Variants in PPP1R9A observed in about 807,000 individuals in gnomAD.
The protein encoded by PPP1R9A is protein phosphatase 1 regulatory subunit 9A, also known as neurabin-1.
Under a neutral mutation model 141.9 loss-of-function variants are expected in PPP1R9A, and 59 were observed. The observed-to-expected ratio is 0.42, with a 90% CI of 0.34 to 0.52. PPP1R9A has a LOEUF of 0.52. PPP1R9A is among the 20% of genes least tolerant of loss of function. PPP1R9A has a pLI of 0.10. For synonymous variants in PPP1R9A, 500 were observed against 569.7 expected, an observed-to-expected ratio of 0.88 and a Z score of 1.74; for missense variants, 1,444 against 1,611.9, an observed-to-expected ratio of 0.90 and a Z score of 1.78.
chr7:95,107,969 T>C (rs1056890202), intron 2 of PPP1R9A, among the ~76,000 whole-genome samples: 4 of 152,130 alleles, frequency 2.6e-5, no homozygotes, highest in Non-Finnish European at 5.9e-5. Flanking sequence ...GAGAGAAAAA[T>C]GCTTGTACAT....
At chr7:95,157,226 C>A (rs1033817587) in intron 4 of PPP1R9A, among the ~76,000 whole-genome samples, 1 of 151,432 alleles carries the variant, frequency 6.6e-6, no homozygotes, top group African/African-American at 2.5e-5. Flanking sequence ...TCTGAGCCTG[C>A]AGGGGCAGGG....
At chr7:94,934,808 GTA>G (rs1438261970) in intron 2 of PPP1R9A, among the ~76,000 whole-genome samples, 3 of 151,076 alleles carry the variant, frequency 2.0e-5, no homozygotes, top group African/African-American at 4.9e-5. Context: ...GTGTGTGTGT[GTA>G]TGTATATACA....
intron 5 of PPP1R9A, among the ~76,000 whole-genome samples, chr7:95,162,722 C>T (rs1830627617): frequency 1.3e-5 from 2 of 152,106 alleles, no homozygotes; most frequent in Non-Finnish European, 2.9e-5. Context: ...TTCTCATTAT[C>T]AAAATGAAAC....
chr7:94,949,133 A>G (rs1796192210), intron 2 of PPP1R9A, among the ~76,000 whole-genome samples: 1 of 152,136 alleles, frequency 6.6e-6, no homozygotes, highest in Non-Finnish European at 1.5e-5. Context: ...GCCCATTTCT[A>G]TCCAGTTTTG....
intron 2 of PPP1R9A, among the ~76,000 whole-genome samples, chr7:95,039,053 A>C (rs903690183): frequency 3.9e-5 from 6 of 152,172 alleles, no homozygotes; most frequent in African/African-American, 1.4e-4. Context: ...TAACATGTCC[A>C]CTTTCAACAA....
intron 5 of PPP1R9A, among the ~76,000 whole-genome samples, chr7:95,171,191 A>G (rs1563351677): frequency 6.6e-6 from 1 of 151,716 alleles, no homozygotes; most frequent in East Asian, 1.9e-4. Flanking sequence ...GAAGAGATGT[A>G]TAGAAAACTA....
At chr7:95,182,836 CA>C (rs952316933) in intron 5 of PPP1R9A, among the ~76,000 whole-genome samples, 18 of 151,986 alleles carry the variant, frequency 1.2e-4, no homozygotes, top group African/African-American at 4.3e-4. Context: ...GCAAGGATTT[CA>C]AAAAAACTAA....
chr7:95,270,165 A>G (rs1801948552), intron 14 of PPP1R9A, among the ~76,000 whole-genome samples: 1 of 152,114 alleles, frequency 6.6e-6, no homozygotes, highest in Admixed American at 6.6e-5. Flanking sequence ...CACAAACCTA[A>G]AATATTTTAC....
chr7:95,126,328 T>C (rs1823557285), intron 4 of PPP1R9A, among the ~76,000 whole-genome samples: 1 of 152,176 alleles, frequency 6.6e-6, no homozygotes, highest in African/African-American at 2.4e-5. Context: ...AAACAAACCC[T>C]AGAAAAATCC....
At chr7:95,039,585 A>G (rs1005520102) in intron 2 of PPP1R9A, among the ~76,000 whole-genome samples, 5 of 152,098 alleles carry the variant, frequency 3.3e-5, no homozygotes, top group Non-Finnish European at 7.4e-5. Flanking sequence ...TTAAAAGGAA[A>G]TGCTATAAAT....
At chr7:95,228,262 G>A (rs774536077) in intron 8 of PPP1R9A, among the ~76,000 whole-genome samples, 2 of 152,088 alleles carry the variant, frequency 1.3e-5, no homozygotes, top group African/African-American at 2.4e-5. Context: ...TAAACTCAAA[G>A]CTCGCATGTT....
In PPP1R9A at chr7:95,197,904, C is replaced by T. The variant is rs557796251; in HGVS notation, c.1755-445C>T. ...CCTCAGGTGATCCACCCACCTTTGC[C>T]TCCCAAAGTGTTGGGATTATAGGCT... is the stretch of plus-strand genomic sequence containing the variant. On this transcript the variant is annotated intron_variant, in intron 5 of 19. Transcript: ENST00000433360. Among the ~76,000 whole-genome samples, 7 of 152,336 alleles carry T rather than the reference C, an allele frequency of 4.6e-5. No individual in the cohort carries two copies. In the South Asian group the frequency reaches 1.4e-3, roughly 32 times the overall value.
At chr7:94,946,738 G>T (rs983960089) in intron 2 of PPP1R9A, among the ~76,000 whole-genome samples, 3 of 152,144 alleles carry the variant, frequency 2.0e-5, no homozygotes, top group East Asian at 3.9e-4. Context: ...TACTTTCTGC[G>T]TTCTGAAGAT....
intron 2 of PPP1R9A, among the ~76,000 whole-genome samples, chr7:94,913,931 T>G (rs1791754069): frequency 6.6e-6 from 1 of 152,176 alleles, no homozygotes; most frequent in Admixed American, 6.5e-5. Flanking sequence ...TGCCAAAATT[T>G]TTAATGTCCT....
At chr7:94,916,216 GT>G in intron 2 of PPP1R9A, among the ~76,000 whole-genome samples, 1 of 152,194 alleles carries the variant, frequency 6.6e-6, no homozygotes, top group Non-Finnish European at 1.5e-5. Context: ...CTTCTTAAGT[GT>G]TTCATCCATC....
In PPP1R9A at chr7:95,249,699, T is replaced by C. The variant is rs566045989; in HGVS notation, c.2167-327T>C. ...TAAAAACTCTCAAAACATGTTGACA[T>C]TCGTTGGATATATCAAACTCTGAAA... On this transcript the variant is annotated intron_variant, in intron 9 of 19. Transcript: ENST00000433360. 1.6e-4 allele frequency among the ~76,000 whole-genome samples: 24 copies of C among 152,270 alleles called. No homozygotes were observed. In the South Asian group the frequency reaches 4.3e-3, roughly 28 times the overall value.
intron 12 of PPP1R9A, among the ~76,000 whole-genome samples, chr7:95,268,329 A>AGC (rs1801621179): frequency 6.6e-6 from 1 of 152,038 alleles, no homozygotes; most frequent in Non-Finnish European, 1.5e-5. Flanking sequence ...GGATTTTTAT[A>AGC]GCGCCTTCAT....
At chr7:95,127,544 G>A (rs1311463146) in intron 4 of PPP1R9A, among the ~76,000 whole-genome samples, 2 of 150,740 alleles carry the variant, frequency 1.3e-5, no homozygotes, top group East Asian at 1.9e-4. Flanking sequence ...GATTCAGGAG[G>A]TATATGTGCA....
chr7:95,107,644 G>A (rs1255096425), intron 2 of PPP1R9A, among the ~76,000 whole-genome samples: 1 of 152,062 alleles, frequency 6.6e-6, no homozygotes, highest in East Asian at 1.9e-4. Flanking sequence ...GAACAGAATA[G>A]AATATAAAAA....
Sources: allele counts gnomAD v4.1 joint callset (sites outside exome capture counted in the v4.1 genomes callset), GRCh38; gene constraint gnomAD v4.1.1; transcripts MANE v1.5; gene names NCBI Gene and HGNC (gene_info 2026-07-23, HGNC 2026-07-21).